The following DMD variants were observed in gnomAD, a reference collection of about 807,000 sequenced individuals.
The protein encoded by DMD is mutant dystrophin.
In DMD, 63 loss-of-function variants were observed where a neutral mutation model predicts 330.1. That is an observed-to-expected ratio of 0.19 (90% CI 0.16 to 0.24). DMD has a LOEUF of 0.24. Among genes scored for constraint, DMD ranks in the 10% least tolerant of loss-of-function variants. The pLI is 1.00. For missense variants in DMD, 3,344 were observed against 2,684.1 expected, an observed-to-expected ratio of 1.25 and a Z score of -5.43; for synonymous variants, 1,223 against 959.8, an observed-to-expected ratio of 1.27 and a Z score of -5.07.
chrX:32,491,060 G>A (rs1288519351), intron 20 of DMD, among the ~76,000 whole-genome samples: 2 of 112,424 alleles, frequency 1.8e-5, no homozygotes, highest in Non-Finnish European at 3.8e-5. Flanking sequence ...ATCAATTAGC[G>A]CTGTGTAACT....
intron 52 of DMD, among the ~76,000 whole-genome samples, chrX:31,696,030 G>GTACC (rs1207651912): frequency 9.0e-6 from 1 of 111,135 alleles, no homozygotes; most frequent in Non-Finnish European, 1.9e-5. Flanking sequence ...ACATCACAAT[G>GTACC]TACCCCATAA....
Position 31,370,053 on chromosome X carries a change from C to T in DMD, c.9085-21419G>A, listed in dbSNP as rs1047457612. ...GGCGGAACTTGCAGTGAGCCAAGAT[C>T]GGGCCACTGCACTCCAAGCTGGGCG... On this transcript the variant is annotated intron_variant, in intron 60 of 78. Coordinates refer to ENST00000357033, the MANE Select transcript of DMD (RefSeq NM_004006.3). Among the ~76,000 whole-genome samples, 35 of 96,649 alleles carry T rather than the reference C, an allele frequency of 3.6e-4. 1 individual carries two copies. The highest frequency in any genetic ancestry group is 1.1e-3 in the African/African-American group (28 of 25,775). The allele number at this position is 96,649 out of a possible 115,157, so 83.9% of individuals were successfully genotyped here.
chrX:32,575,553 C>A (rs2052944669), intron 13 of DMD, among the ~76,000 whole-genome samples: 1 of 112,347 alleles, frequency 8.9e-6, no homozygotes, highest in African/African-American at 3.2e-5. Flanking sequence ...GTCACTTCAA[C>A]CATCTAATTA....
At chrX:31,122,558 A>AAATAAT (rs910883024) in intron 78 of DMD, among the ~76,000 whole-genome samples, 1 of 111,370 alleles carries the variant, frequency 9.0e-6, no homozygotes, top group African/African-American at 3.3e-5. Flanking sequence ...TTGGGTTGAA[A>AAATAAT]AATAATAATA....
At chrX:32,280,289 ATCT>A (rs894942737) in intron 43 of DMD, among the ~76,000 whole-genome samples, 4 of 107,914 alleles carry the variant, frequency 3.7e-5, no homozygotes, top group Admixed American at 1.0e-4. Flanking sequence ...TGTCTACTGT[ATCT>A]TCTTCTGCAT....
intron 7 of DMD, among the ~76,000 whole-genome samples, chrX:32,738,649 A>G (rs1256904096): frequency 1.8e-5 from 2 of 112,009 alleles, no homozygotes; most frequent in Admixed American, 1.9e-4. Flanking sequence ...GAATGGAGGT[A>G]AAACTAGGAG....
intron 44 of DMD, among the ~76,000 whole-genome samples, chrX:32,200,603 C>T (rs2097030924): frequency 9.6e-6 from 1 of 103,654 alleles, no homozygotes; most frequent in Non-Finnish European, 2.1e-5. Flanking sequence ...CATATGTAAT[C>T]ACACACATAT....
chrX:32,459,964 C>CA (rs1452028078), intron 25 of DMD, among the ~76,000 whole-genome samples: 2 of 110,523 alleles, frequency 1.8e-5, no homozygotes, highest in Non-Finnish European at 3.8e-5. Flanking sequence ...CTTTGCTGTG[C>CA]AGAAGCTAGA....
intron 1 of DMD, among the ~76,000 whole-genome samples, chrX:33,187,243 A>C (rs1432734705): frequency 8.9e-6 from 1 of 112,625 alleles, no homozygotes; most frequent in Non-Finnish European, 1.9e-5. Flanking sequence ...GTAAGTATGA[A>C]GCTCTATGTT....
intron 54 of DMD, among the ~76,000 whole-genome samples, chrX:31,649,742 T>C (rs1569174013): frequency 9.0e-6 from 1 of 110,837 alleles, no homozygotes; most frequent in Non-Finnish European, 1.9e-5. Flanking sequence ...CTTGTAACTA[T>C]ACATATGACT....
At chrX:33,141,141 C>T (rs1459605763) in intron 1 of DMD, among the ~76,000 whole-genome samples, 1 of 111,634 alleles carries the variant, frequency 9.0e-6, no homozygotes, top group Non-Finnish European at 1.9e-5. Context: ...CCTAAGGTCA[C>T]AGTCATTAAA....
At chrX:31,718,617 C>A (rs1353543317) in intron 52 of DMD, among the ~76,000 whole-genome samples, 2 of 110,622 alleles carry the variant, frequency 1.8e-5, no homozygotes, top group Non-Finnish European at 3.8e-5. Flanking sequence ...GAGTACCTCT[C>A]TGCACCACCT....
rs371895330 is a variant in DMD at position 31,784,202 on chromosome X, A to G, written c.7310-10010T>C. On this transcript the variant is annotated intron_variant, in intron 50 of 78. Transcript: ENST00000357033. ...AAGGATTTAAATAGACATTTCTCCAAAGAAAATATATACACAGCCAACAAG... is the reference window on the plus strand; with the variant it reads ...AAGGATTTAAATAGACATTTCTCCAGAGAAAATATATACACAGCCAACAAG... 2.0e-4 allele frequency among the ~76,000 whole-genome samples: 23 copies of G among 112,284 alleles called. No individual in the cohort carries two copies. In the East Asian group the frequency reaches 3.1e-3, roughly 15 times the overall value.
intron 41 of DMD, among the ~76,000 whole-genome samples, chrX:32,311,226 G>A (rs1031063424): frequency 5.4e-5 from 6 of 111,079 alleles, no homozygotes; most frequent in African/African-American, 2.0e-4. Context: ...TGTTGATGAG[G>A]TCACCTGAGG....
At chrX:31,775,343 T>C (rs2090592115) in intron 50 of DMD, among the ~76,000 whole-genome samples, 1 of 111,129 alleles carries the variant, frequency 9.0e-6, no homozygotes, top group African/African-American at 3.3e-5. Context: ...GATGAACAAC[T>C]GTGGTGAGAA....
Position 31,715,400 on chromosome X carries a change from G to A in DMD, c.7660+14231C>T, listed in dbSNP as rs763600411. 7.0e-3 allele frequency among the ~76,000 whole-genome samples: 738 copies of A among 104,945 alleles called. 7 individuals carry two copies. The highest frequency in any genetic ancestry group is 0.025 in the African/African-American group (705 of 28,734). 91.1% of individuals were successfully genotyped at this position (104,945 alleles called of 115,157 possible). A position where few individuals can be genotyped will look rare whatever the true frequency, so the allele number is the denominator to read the frequency against. On this transcript the variant is annotated intron_variant, in intron 52 of 78. Coordinates refer to ENST00000357033, the MANE Select transcript of DMD (RefSeq NM_004006.3). ...TCTACTAAAAATACAAAAATTAGCCGGGCATGGTGGCGCGCGCCTGTAGTC... is the reference window on the plus strand; with the variant it reads ...TCTACTAAAAATACAAAAATTAGCCAGGCATGGTGGCGCGCGCCTGTAGTC...
At chrX:31,987,787 T>G (rs2095519844) in intron 44 of DMD, among the ~76,000 whole-genome samples, 1 of 111,762 alleles carries the variant, frequency 8.9e-6, no homozygotes, top group African/African-American at 3.3e-5. Context: ...TGGAGGTTCC[T>G]CGAAAACTTA....
intron 61 of DMD, among the ~76,000 whole-genome samples, chrX:31,339,182 G>C (rs974749731): frequency 1.2e-4 from 13 of 111,333 alleles, no homozygotes; most frequent in African/African-American, 3.9e-4. Flanking sequence ...AAATTGATGG[G>C]ATATATAGGG....
chrX:31,346,934 G>A (rs1267138854), intron 61 of DMD, among the ~76,000 whole-genome samples: 1 of 98,110 alleles, frequency 1.0e-5, no homozygotes, highest in Non-Finnish European at 2.0e-5. Flanking sequence ...CCGGGAGGCG[G>A]AGGTTGCAGT....
Sources: allele counts gnomAD v4.1 joint callset (sites outside exome capture counted in the v4.1 genomes callset), GRCh38; gene constraint gnomAD v4.1.1; transcripts MANE v1.5; gene names NCBI Gene and HGNC (gene_info 2026-07-23, HGNC 2026-07-21).